Variants in APBA1 observed in about 807,000 individuals in gnomAD.
The protein encoded by APBA1 is amyloid-beta A4 precursor protein-binding family A member 1.
In APBA1, 55 loss-of-function variants were observed where a neutral mutation model predicts 86.6. The observed-to-expected ratio is 0.64, with a 90% confidence interval of 0.51 to 0.80. The LOEUF (loss-of-function observed/expected upper bound fraction) is 0.80. Among genes scored for constraint, APBA1 ranks in the 30% least tolerant of loss-of-function variants. The pLI, the probability that APBA1 is intolerant of heterozygous loss-of-function variation, is 0.00. For synonymous variants in APBA1, 511 were observed against 493.9 expected (o/e 1.03, Z -0.46); for missense variants, 1,090 against 1,183.0 (o/e 0.92, Z 1.15).
At chr9:69,621,009 T>C (rs1486400491) in intron 1 of APBA1, among the ~76,000 whole-genome samples, 2 of 152,198 alleles carry the variant, frequency 1.3e-5, no homozygotes, top group Non-Finnish European at 2.9e-5. Flanking sequence ...CTCTGCCTTA[T>C]ATTAACTGTA....
chr9:69,527,009 C>T (rs534316506), intron 1 of APBA1, among the ~76,000 whole-genome samples: 1 of 152,108 alleles, frequency 6.6e-6, no homozygotes, highest in Non-Finnish European at 1.5e-5. Context: ...TTCTCACTTA[C>T]AAGTGGGAGC....
chr9:69,595,955 TC>T (rs1442888058), intron 1 of APBA1, among the ~76,000 whole-genome samples: 1 of 152,036 alleles, frequency 6.6e-6, no homozygotes, highest in Non-Finnish European at 1.5e-5. Flanking sequence ...CAGAGCAACT[TC>T]TTTATTGATT....
At position 69,658,304 on chromosome 9, in the gene APBA1, C is replaced by CTT. The variant is rs1554709959; in HGVS notation, c.-70+13848_-70+13849insAA. On this transcript the variant is annotated intron_variant, in intron 1 of 12. Coordinates refer to ENST00000265381, the MANE Select transcript of APBA1 (RefSeq NM_001163.4). Reference sequence around the variant, plus strand: ...TCTTTCTCTCTCTCTTTCTCTCTCTCTCTTTCTTTCTTTCTTTCTTTCTTT... The same window carrying CTT: ...TCTTTCTCTCTCTCTTTCTCTCTCTCTTTCTTTCTTTCTTTCTTTCTTTCTTT... Among the ~76,000 whole-genome samples, 723 of 79,960 alleles carry CTT rather than the reference C, an allele frequency of 9.0e-3. 37 individuals are homozygous for CTT. Among genetic ancestry groups the CTT allele is most frequent in the Middle Eastern group, 0.016 (3 of 186 alleles). The allele number at this position is 79,960 out of a possible 152,430, so 52.5% of individuals were successfully genotyped here.
intron 2 of APBA1, among the ~76,000 whole-genome samples, chr9:69,493,555 A>C (rs981755191): frequency 6.6e-6 from 1 of 152,088 alleles, no homozygotes. Context: ...CTATTTTATA[A>C]AGATATAATG....
intron 1 of APBA1, among the ~76,000 whole-genome samples, chr9:69,575,125 C>T (rs1037264565): frequency 2.0e-5 from 3 of 151,932 alleles, no homozygotes; most frequent in Non-Finnish European, 1.5e-5. Flanking sequence ...AACATGTTGC[C>T]CAGGCTGGTT....
intron 1 of APBA1, among the ~76,000 whole-genome samples, chr9:69,661,689 T>C (rs573306180): frequency 6.4e-4 from 97 of 152,304 alleles, no homozygotes; most frequent in Admixed American, 3.2e-3. Context: ...GAATCTCTTA[T>C]GAACAGATGA....
chr9:69,655,343 A>G (rs539447509), intron 1 of APBA1, among the ~76,000 whole-genome samples: 70 of 150,830 alleles, frequency 4.6e-4, no homozygotes, highest in African/African-American at 1.6e-3. Context: ...TATATTCTCA[A>G]AGATCTCCCC....
intron 1 of APBA1, among the ~76,000 whole-genome samples, chr9:69,599,822 G>A (rs1822311385): frequency 6.6e-6 from 1 of 152,202 alleles, no homozygotes; most frequent in Non-Finnish European, 1.5e-5. Flanking sequence ...GGAGTCTATG[G>A]CTGCCAAATG....
chr9:69,568,353 G>GAGA (rs1389377414), intron 1 of APBA1, among the ~76,000 whole-genome samples: 1 of 152,140 alleles, frequency 6.6e-6, no homozygotes, highest in Admixed American at 6.5e-5. Context: ...ATTTAAATTT[G>GAGA]AGAAGAAATA....
chr9:69,552,310 C>G (rs945795954), intron 1 of APBA1, among the ~76,000 whole-genome samples: 1 of 152,170 alleles, frequency 6.6e-6, no homozygotes, highest in African/African-American at 2.4e-5. Flanking sequence ...TTGTGTTTTT[C>G]TGTTCAAGTA....
chr9:69,477,108 G>T (rs559324620), intron 2 of APBA1, among the ~76,000 whole-genome samples: 3 of 152,308 alleles, frequency 2.0e-5, no homozygotes. Flanking sequence ...CACAGCAGGG[G>T]GCGGCGGAGC....
intron 1 of APBA1, among the ~76,000 whole-genome samples, chr9:69,651,036 A>C: frequency 6.6e-6 from 1 of 152,234 alleles, no homozygotes; most frequent in East Asian, 1.9e-4. Flanking sequence ...AGGAGAATGG[A>C]TAAACAAATT....
intron 1 of APBA1, among the ~76,000 whole-genome samples, chr9:69,553,780 T>C (rs552680872): frequency 6.6e-6 from 1 of 152,314 alleles, no homozygotes; most frequent in Admixed American, 6.5e-5. Flanking sequence ...ACATCACAAG[T>C]TCCTGCCACA....
At chr9:69,620,022 A>G (rs893480279) in intron 1 of APBA1, among the ~76,000 whole-genome samples, 1 of 152,222 alleles carries the variant, frequency 6.6e-6, no homozygotes, top group African/African-American at 2.4e-5. Flanking sequence ...CAAAACAAGC[A>G]ATTAAATACT....
At chr9:69,624,908 A>T (rs1167776340) in intron 1 of APBA1, among the ~76,000 whole-genome samples, 1 of 152,174 alleles carries the variant, frequency 6.6e-6, no homozygotes, top group Non-Finnish European at 1.5e-5. Flanking sequence ...ATTCCTATTG[A>T]AAAGGAAAAA....
chr9:69,626,134 A>C (rs764837587), intron 1 of APBA1, among the ~76,000 whole-genome samples: 14 of 152,188 alleles, frequency 9.2e-5, no homozygotes, highest in Non-Finnish European at 1.5e-4. Flanking sequence ...GCTAGATTCT[A>C]AATGTGGTTC....
At chr9:69,457,977 C>T (rs112570063) in intron 6 of APBA1, among the ~76,000 whole-genome samples, 179 bp downstream of exon 6, 9 of 152,266 alleles carry the variant, frequency 5.9e-5, no homozygotes, top group African/African-American at 1.4e-4. Flanking sequence ...CAACAGAAAA[C>T]GGCCACCTTC....
chr9:69,575,433 G>A (rs577357611), intron 1 of APBA1, among the ~76,000 whole-genome samples: 31 of 152,142 alleles, frequency 2.0e-4, no homozygotes, highest in East Asian at 1.7e-3. Context: ...AGCTGGAGGC[G>A]TCACGCTACC....
chr9:69,641,902 G>A (rs552656307), intron 1 of APBA1, among the ~76,000 whole-genome samples: 24 of 152,064 alleles, frequency 1.6e-4, no homozygotes, highest in African/African-American at 5.8e-4. Context: ...CTGGAGTGCC[G>A]TGGCGTGATC....
Sources: gnomAD v4.1 joint callset for allele counts (sites outside exome capture counted in the v4.1 genomes callset) on GRCh38, gnomAD v4.1.1 for gene constraint, MANE v1.5 for transcripts, NCBI Gene and HGNC (gene_info 2026-07-23, HGNC 2026-07-21) for gene names.